The following ZFHX4 variants were observed in gnomAD, a reference collection of about 807,000 sequenced individuals.
ZFHX4 encodes zinc finger homeobox protein 4.
Under a neutral mutation model 267.6 loss-of-function variants are expected in ZFHX4, and 56 were observed. The observed-to-expected ratio is 0.21, with a 90% CI of 0.17 to 0.26. ZFHX4 has a LOEUF of 0.26. Ranked by LOEUF, ZFHX4 falls within the 10% of genes least tolerant of loss-of-function variation. ZFHX4 has a pLI of 1.00. For synonymous variants in ZFHX4, 1,778 were observed against 1,665.6 expected (o/e 1.07, Z -1.64); for missense variants, 4,332 against 4,420.0 (o/e 0.98, Z 0.56).
At chr8:76,830,485 G>T (rs1487751299) in intron 4 of ZFHX4, among the ~76,000 whole-genome samples, 1 of 152,166 alleles carries the variant, frequency 6.6e-6, no homozygotes, top group Non-Finnish European at 1.5e-5. Context: ...ATTGTAAGAT[G>T]CTATGTATCA....
chr8:76,848,849 C>T, intron 6 of ZFHX4, 146 bp from the exon 7 acceptor site: 1 of 708,030 alleles, frequency 1.4e-6, no homozygotes, highest in Non-Finnish European at 2.2e-6. Flanking sequence ...TTCTTATTGC[C>T]TTTTGAGATT....
At chr8:76,808,679 C>T (rs973947607) in intron 4 of ZFHX4, among the ~76,000 whole-genome samples, 4 of 152,050 alleles carry the variant, frequency 2.6e-5, no homozygotes, top group Non-Finnish European at 5.9e-5. Flanking sequence ...TTGATTGGCC[C>T]TTTCTACACG....
At chr8:76,772,618 T>C (rs1430966957) in intron 3 of ZFHX4, among the ~76,000 whole-genome samples, 1 of 152,104 alleles carries the variant, frequency 6.6e-6, no homozygotes, top group African/African-American at 2.4e-5. Context: ...CTCTTCAATC[T>C]AGGCAGCACG....
intron 4 of ZFHX4, among the ~76,000 whole-genome samples, chr8:76,812,061 G>A (rs1488169287): frequency 1.3e-5 from 2 of 152,174 alleles, no homozygotes; most frequent in East Asian, 3.8e-4. Context: ...ATTATTTTTA[G>A]CATGAGCTTG....
At chr8:76,698,259 C>T (rs1035887064) in intron 1 of ZFHX4, among the ~76,000 whole-genome samples, 3 of 152,086 alleles carry the variant, frequency 2.0e-5, no homozygotes, top group African/African-American at 7.2e-5. Context: ...TTGGGTCCAT[C>T]TTGCACACTG....
intron 3 of ZFHX4, among the ~76,000 whole-genome samples, chr8:76,729,184 T>C (rs1353932915): frequency 6.6e-6 from 1 of 152,146 alleles, no homozygotes; most frequent in Non-Finnish European, 1.5e-5. Context: ...TCTGTTCATT[T>C]CCATATTCCC....
intron 5 of ZFHX4, among the ~76,000 whole-genome samples, chr8:76,836,516 T>C (rs1015496351): frequency 6.6e-6 from 1 of 152,040 alleles, no homozygotes; most frequent in Non-Finnish European, 1.5e-5. Flanking sequence ...GAGCCAATTA[T>C]GCAGAGTCTG....
At position 76,704,996 on chromosome 8, in the gene ZFHX4, T is replaced by C. The variant is rs1296749881; in HGVS notation, c.908T>C (p.Met303Thr). ...ACCCATGCTGTGCATGATCATCGGA[T>C]GACCCTCAATGACGAGGAGCAGAAG... ...FVTHAVHDHR[M>T]TLNDEEQKLL... The change falls in exon 2 of 11, where the codon ATG (methionine) becomes ACG (threonine). Residue 303 changes from methionine (M) to threonine (T), a missense_variant. Physicochemically the swap from Met to Thr is moderately conservative, Grantham distance 81 (BLOSUM62 -1). Transcript: ENST00000651372. 1 of 1,613,754 alleles carries C rather than the reference T, an allele frequency of 6.2e-7. No individual in the cohort carries two copies. Among genetic ancestry groups the C allele is most frequent in the African/African-American group, 1.3e-5 (1 of 74,912 alleles).
chr8:76,860,410 T>C (rs1423971122), intron 10 of ZFHX4, among the ~76,000 whole-genome samples: 1 of 152,070 alleles, frequency 6.6e-6, no homozygotes, highest in African/African-American at 2.4e-5. Context: ...GATAAAAACA[T>C]GTAGACCCTT....
intron 3 of ZFHX4, among the ~76,000 whole-genome samples, chr8:76,759,984 C>A (rs528038102): frequency 6.6e-6 from 1 of 152,144 alleles, no homozygotes; most frequent in South Asian, 2.1e-4. Flanking sequence ...GTTACAGAAA[C>A]CATAGATATG....
chr8:76,821,652 C>A (rs1563541445), intron 4 of ZFHX4, among the ~76,000 whole-genome samples: 1 of 152,008 alleles, frequency 6.6e-6, no homozygotes, highest in Admixed American at 6.6e-5. Flanking sequence ...GACTCTTTCA[C>A]CTCAGCACAG....
At position 76,769,480 on chromosome 8, in the gene ZFHX4, G is replaced by A. The variant is rs137905831; in HGVS notation, c.3094-8728G>A. Among the ~76,000 whole-genome samples the A allele has an allele frequency of 4.2e-3, 644 of 152,064 alleles. 16 individuals are homozygous for A. In the East Asian group the frequency reaches 0.073, roughly 17 times the overall value. On this transcript the variant is annotated intron_variant, in intron 3 of 10. Transcript: ENST00000651372. ...TCCTCCTACTTCAGCCTCACCAGTA[G>A]CTAGGACTACAGGCAATGAGTCACT...
intron 3 of ZFHX4, among the ~76,000 whole-genome samples, chr8:76,744,716 A>G (rs191101419): frequency 1.6e-3 from 238 of 152,252 alleles, no homozygotes; most frequent in African/African-American, 5.4e-3. Flanking sequence ...CCCAGCCAAT[A>G]TGCTATACTT....
rs377354011 is a variant in ZFHX4, at chr8:76,864,036, G to A, written c.10322G>A (p.Arg3441His). Residue 3441 changes from arginine (R) to histidine (H), a missense_variant, in exon 11 of 11, where the codon CGT becomes CAT. Coordinates refer to ENST00000651372, the MANE Select transcript of ZFHX4 (RefSeq NM_024721.5). The stretch of plus-strand genomic sequence containing the variant: ...ATTGACCCACAAGAGACAGTGCTTC[G>A]TGTCCCAGTCAGCAAATATCAGTGT... Reference protein sequence around the residue: ...PLIDPQETVLRVPVSKYQCLA... With the variant: ...PLIDPQETVLHVPVSKYQCLA... 3.4e-5 allele frequency: 55 copies of A among 1,613,710 alleles called. No individual in the cohort carries two copies. In the East Asian group the frequency reaches 4.2e-4, roughly 12 times the overall value.
In ZFHX4 at chr8:76,835,241, G is replaced by GTA. The variant is rs144954045; in HGVS notation, c.3394+1853_3394+1854dup. Among the ~76,000 whole-genome samples, 244 of 42,608 alleles carry GTA rather than the reference G, an allele frequency of 5.7e-3. 3 individuals carry two copies. Among genetic ancestry groups the GTA allele is most frequent in the Admixed American group, 7.8e-3 (38 of 4,892 alleles). 28.0% of individuals were successfully genotyped at this position (42,608 alleles called of 152,430 possible). On this transcript the variant is annotated intron_variant, in intron 5 of 10. Coordinates refer to ENST00000651372, the MANE Select transcript of ZFHX4 (RefSeq NM_024721.5). ...TATGTATATATATATATATATATATGTATATATATATATATATATTCATAC... is the reference window on the plus strand; with the variant it reads ...TATGTATATATATATATATATATATGTATATATATATATATATATATTCATAC...
intron 4 of ZFHX4, among the ~76,000 whole-genome samples, chr8:76,825,022 G>T (rs1185747525): frequency 6.6e-6 from 1 of 152,090 alleles, no homozygotes; most frequent in African/African-American, 2.4e-5. Context: ...GTTAACATTT[G>T]CTACCTCCAA....
At chr8:76,806,894 T>C (rs1811259281) in intron 4 of ZFHX4, among the ~76,000 whole-genome samples, 1 of 152,028 alleles carries the variant, frequency 6.6e-6, no homozygotes, top group Non-Finnish European at 1.5e-5. Flanking sequence ...TATTTGAGAT[T>C]TGGGATTCAC....
intron 3 of ZFHX4, among the ~76,000 whole-genome samples, chr8:76,746,551 CTAAATTTTTTAAAAATG>C (rs1809464650): frequency 6.6e-6 from 1 of 152,112 alleles, no homozygotes; most frequent in Non-Finnish European, 1.5e-5. Flanking sequence ...TCACTTTTTA[CTAAATTTTTTAAAAATG>C]TAAACTCTGG....
At chr8:76,799,519 T>C (rs1811064591) in intron 4 of ZFHX4, among the ~76,000 whole-genome samples, 1 of 152,174 alleles carries the variant, frequency 6.6e-6, no homozygotes, top group African/African-American at 2.4e-5. Context: ...GAGATCAGAA[T>C]TTTGAACGAG....
Sources: allele counts gnomAD v4.1 joint callset (sites outside exome capture counted in the v4.1 genomes callset), GRCh38; gene constraint gnomAD v4.1.1; transcripts MANE v1.5; gene names NCBI Gene and HGNC (gene_info 2026-07-23, HGNC 2026-07-21).